The following RUBCN variants were observed in gnomAD, a reference collection of about 807,000 sequenced individuals.
RUBCN encodes the protein rubicon autophagy regulator.
RUBCN carries 74 observed loss-of-function variants against 113.2 expected under a neutral mutation model. The observed-to-expected ratio is 0.65, with a 90% CI of 0.54 to 0.79. The LOEUF (loss-of-function observed/expected upper bound fraction) is 0.79. Among genes scored for constraint, RUBCN ranks in the 30% least tolerant of loss-of-function variants. RUBCN has a pLI of 0.00. For missense variants in RUBCN, 1,109 were observed against 1,251.7 expected (o/e 0.89, Z 1.72); for synonymous variants, 480 against 490.0 (o/e 0.98, Z 0.27).
Position 197,681,447 on chromosome 3 carries a change from A to G in RUBCN, c.2192-80T>C. On this transcript the variant is annotated intron_variant, in intron 15 of 19. Coordinates refer to ENST00000296343, the MANE Select transcript of RUBCN (RefSeq NM_014687.4). The surrounding 1 kb of genome is among the most constrained non-coding windows in gnomAD (Gnocchi z 5.5). ...GGAAGGCAGCTCTGCTTTTCCCTTGAAAGGGCAGAGAGGGACAGCCAATGG... is the reference window on the plus strand; with the variant it reads ...GGAAGGCAGCTCTGCTTTTCCCTTGGAAGGGCAGAGAGGGACAGCCAATGG... 2 of 1,115,120 alleles carry G rather than the reference A, an allele frequency of 1.8e-6. No homozygotes were observed. The highest frequency in any genetic ancestry group is 1.4e-6 in the Non-Finnish European group (1 of 738,388). 69.1% of individuals were successfully genotyped at this position (1,115,120 alleles called of 1,614,324 possible). A position where few individuals can be genotyped will look rare whatever the true frequency, so the allele number is the denominator to read the frequency against.
intron 11 of RUBCN, among the ~76,000 whole-genome samples, chr3:197,684,491 A>G (rs1392896909): frequency 6.6e-6 from 1 of 152,146 alleles, no homozygotes; most frequent in Non-Finnish European, 1.5e-5. Context: ...CTTTGGTGTA[A>G]AACAGTGAAT....
At chr3:197,688,199 A>G (rs1474185237) in intron 11 of RUBCN, among the ~76,000 whole-genome samples, 1 of 152,106 alleles carries the variant, frequency 6.6e-6, no homozygotes, top group East Asian at 1.9e-4. Flanking sequence ...ACTAATTTTT[A>G]TATTTTTAGC....
chr3:197,735,240 G>A (rs1727985140), intron 1 of RUBCN, among the ~76,000 whole-genome samples: 1 of 152,132 alleles, frequency 6.6e-6, no homozygotes, highest in Non-Finnish European at 1.5e-5. Flanking sequence ...CTACAAAAAA[G>A]TTTTTTAAAG....
chr3:197,706,986 C>CCACTTAAATCTCTACTAAAA (rs1560443323), intron 2 of RUBCN, among the ~76,000 whole-genome samples: 1 of 151,466 alleles, frequency 6.6e-6, no homozygotes, highest in African/African-American at 2.5e-5. Flanking sequence ...CCAGCCAGGG[C>CCACTTAAATCTCTACTAAAA]TGGGCAGCCG....
intron 5 of RUBCN, 119 bp from the exon 6 acceptor site, chr3:197,701,983 T>C: frequency 1.1e-6 from 1 of 889,844 alleles, no homozygotes; most frequent in Admixed American, 2.0e-5. Flanking sequence ...GGCCTGGACT[T>C]TAGCCAGAGC....
At chr3:197,732,760 T>C (rs1269232903) in intron 1 of RUBCN, among the ~76,000 whole-genome samples, 1 of 152,150 alleles carries the variant, frequency 6.6e-6, no homozygotes, top group South Asian at 2.1e-4. Flanking sequence ...CTAAGCACAC[T>C]ACCGGGGAAG....
intron 1 of RUBCN, among the ~76,000 whole-genome samples, chr3:197,746,458 T>TG (rs1386154140): frequency 1.3e-5 from 2 of 152,228 alleles, no homozygotes; most frequent in African/African-American, 4.8e-5. Flanking sequence ...GCTTGACTCA[T>TG]GCCATATAGC....
intron 2 of RUBCN, among the ~76,000 whole-genome samples, chr3:197,706,667 G>C (rs2108923533): frequency 6.6e-6 from 1 of 152,230 alleles, no homozygotes; most frequent in African/African-American, 2.4e-5. Context: ...CTGGATGACA[G>C]AGAGAGATCC....
intron 11 of RUBCN, among the ~76,000 whole-genome samples, chr3:197,687,223 G>A (rs1266600600): frequency 6.6e-6 from 1 of 151,956 alleles, no homozygotes; most frequent in Non-Finnish European, 1.5e-5. Context: ...TGACTCAAAA[G>A]GAAACACTTC....
In RUBCN at chr3:197,674,474, CA is replaced by C. The variant is rs1720108552; in HGVS notation, c.*543del. ...ATTGTTCTGTGGCCCCCAAAATACC[CA>C]AATAAGTGGACGAAATGCCCATGAC... On this transcript the variant is annotated 3_prime_UTR_variant, in exon 20 of 20. Coordinates refer to ENST00000296343, the MANE Select transcript of RUBCN (RefSeq NM_014687.4). The C allele has an allele frequency of 4.4e-6, 2 of 454,088 alleles. No homozygotes were observed. Among genetic ancestry groups the C allele is most frequent in the Non-Finnish European group, 9.1e-6 (2 of 220,812 alleles). The allele number at this position is 454,088 out of a possible 1,614,324, so 28.1% of individuals were successfully genotyped here.
chr3:197,730,951 A>G (rs1464508951), intron 1 of RUBCN, among the ~76,000 whole-genome samples: 1 of 133,270 alleles, frequency 7.5e-6, no homozygotes, highest in African/African-American at 3.0e-5. Flanking sequence ...CTTAGTGAAC[A>G]TCTGCTCAGT....
At chr3:197,699,280 G>A (rs1260833357) in intron 7 of RUBCN, 1 of 1,332,468 alleles carries the variant, frequency 7.5e-7, no homozygotes, top group South Asian at 1.3e-5. Context: ...AGAGCAATGA[G>A]AATACAGAGA....
intron 1 of RUBCN, among the ~76,000 whole-genome samples, chr3:197,733,718 T>G (rs1727781302): frequency 6.6e-6 from 1 of 152,168 alleles, no homozygotes; most frequent in South Asian, 2.1e-4. Flanking sequence ...GCCAACACAG[T>G]ATGCCTATAA....
upstream of RUBCN, chr3:197,737,055 A>G (rs921166201): frequency 1.1e-5 from 7 of 635,958 alleles, no homozygotes; most frequent in Non-Finnish European, 1.5e-5. Flanking sequence ...CTCCAATCCC[A>G]GGCCGCTCCC....
chr3:197,719,073 C>A (rs1725853530), intron 1 of RUBCN, among the ~76,000 whole-genome samples: 1 of 152,172 alleles, frequency 6.6e-6, no homozygotes, highest in Non-Finnish European at 1.5e-5. Flanking sequence ...CATGTGCCAA[C>A]AGGTTACAAT....
In RUBCN at chr3:197,691,040, C is replaced by G. The variant is rs187813178; in HGVS notation, c.1786+2675G>C. ...TGGTGCAACATTCTCACACATGCATCTACAAGCACATCCACGCTTGCAAAG... is the reference window on the plus strand; with the variant it reads ...TGGTGCAACATTCTCACACATGCATGTACAAGCACATCCACGCTTGCAAAG... On this transcript the variant is annotated intron_variant, in intron 11 of 19. Coordinates refer to ENST00000296343, the MANE Select transcript of RUBCN (RefSeq NM_014687.4). The G allele has an allele frequency of 4.2e-4, 499 of 1,186,142 alleles. 1 individual carries two copies. In the African/African-American group the frequency reaches 6.1e-3, roughly 14 times the overall value. The allele number at this position is 1,186,142 out of a possible 1,614,324, so 73.5% of individuals were successfully genotyped here.
intron 11 of RUBCN, among the ~76,000 whole-genome samples, chr3:197,686,566 C>A (rs1235780491): frequency 2.0e-5 from 3 of 152,178 alleles, no homozygotes; most frequent in Admixed American, 2.0e-4. Context: ...TCGGTTCAAG[C>A]AGACAACTAA....
intron 7 of RUBCN, among the ~76,000 whole-genome samples, chr3:197,699,719 G>C (rs1189473806): frequency 6.6e-6 from 1 of 152,234 alleles, no homozygotes; most frequent in African/African-American, 2.4e-5. Flanking sequence ...GAAGGTTTCA[G>C]ATGAGGGCCT....
At chr3:197,712,164 C>G (rs1725033368) in intron 2 of RUBCN, among the ~76,000 whole-genome samples, 1 of 152,060 alleles carries the variant, frequency 6.6e-6, no homozygotes, top group Non-Finnish European at 1.5e-5. Context: ...TCCTATTCAG[C>G]TGAGCAATCT....
Sources: gnomAD v4.1 joint callset for allele counts (sites outside exome capture counted in the v4.1 genomes callset) on GRCh38, gnomAD v4.1.1 for gene constraint, Gnocchi (gnomAD v3.1) non-coding constraint, MANE v1.5 for transcripts, NCBI Gene and HGNC (gene_info 2026-07-23, HGNC 2026-07-21) for gene names.